The following DHX36 variants were observed in gnomAD, a reference collection of about 807,000 sequenced individuals.
DHX36 encodes DEAH-box helicase 36.
In DHX36, 50 loss-of-function variants were observed where a neutral mutation model predicts 139.0. The observed-to-expected ratio is 0.36, with a 90% CI of 0.29 to 0.46. The LOEUF (loss-of-function observed/expected upper bound fraction) is 0.46, where lower values mean the gene tolerates loss of function less well. DHX36 is among the 20% of genes least tolerant of loss of function. DHX36 has a pLI of 1.00. For synonymous variants in DHX36, 425 were observed against 401.9 expected (o/e 1.06, Z -0.69); for missense variants, 1,024 against 1,211.3 (o/e 0.85, Z 2.29).
chr3:154,298,499 T>C (rs538954260), intron 12 of DHX36, among the ~76,000 whole-genome samples: 49 of 152,240 alleles, frequency 3.2e-4, no homozygotes, highest in Non-Finnish European at 6.9e-4. Flanking sequence ...CTTTGCAAGC[T>C]AGATAGTAAA....
chr3:154,283,113 C>T (rs1719380391), intron 20 of DHX36, 75 bp downstream of exon 20: 2 of 1,183,498 alleles, frequency 1.7e-6, no homozygotes, highest in Non-Finnish European at 2.5e-6. Context: ...TGCTATAGAT[C>T]TAATTGTACA....
chr3:154,285,236 A>T (rs1711510335), intron 17 of DHX36, among the ~76,000 whole-genome samples: 1 of 152,210 alleles, frequency 6.6e-6, no homozygotes, highest in Admixed American at 6.5e-5. Flanking sequence ...AATACCAGAA[A>T]TGACAAACTT....
chr3:154,319,391 G>C (rs1213780232), intron 1 of DHX36: 1 of 152,072 alleles, frequency 6.6e-6, no homozygotes, highest in African/African-American at 2.4e-5. Flanking sequence ...CTCTGTAACA[G>C]GCCAATACCA....
At chr3:154,301,388 G>A (rs1290636787) in intron 9 of DHX36, among the ~76,000 whole-genome samples, 1 of 152,134 alleles carries the variant, frequency 6.6e-6, no homozygotes, top group African/African-American at 2.4e-5. Flanking sequence ...AAAGACTAAA[G>A]TAAGTAACTT....
At chr3:154,278,131 A>G (rs757251408) in intron 22 of DHX36, among the ~76,000 whole-genome samples, 4 of 152,162 alleles carry the variant, frequency 2.6e-5, no homozygotes, top group Non-Finnish European at 5.9e-5. Flanking sequence ...TACTATGACA[A>G]TCATAATACT....
At chr3:154,289,664 T>G (rs761376150) in intron 16 of DHX36, 45 bp downstream of exon 16, 41 of 1,093,132 alleles carry the variant, frequency 3.8e-5, no homozygotes, top group South Asian at 1.7e-4. Context: ...ATGTTGAAAA[T>G]GAGATCACTT....
intron 13 of DHX36, 44 bp downstream of exon 13, chr3:154,295,239 GC>G: frequency 8.3e-7 from 1 of 1,199,944 alleles, no homozygotes; most frequent in Non-Finnish European, 1.2e-6. Context: ...CTTAAAGCTT[GC>G]CTCAGTTTGA....
chr3:154,281,403 A>G (rs1023190159), intron 20 of DHX36, among the ~76,000 whole-genome samples: 3 of 152,070 alleles, frequency 2.0e-5, no homozygotes, highest in African/African-American at 7.2e-5. Flanking sequence ...CTTATTACAA[A>G]GCATTCAAGT....
At position 154,284,948 on chromosome 3, in the gene DHX36, C is replaced by T; in HGVS notation, c.2071G>A (p.Val691Ile). Residue 691 changes from valine to isoleucine, a missense_variant, in exon 18 of 25, where the codon GTC becomes ATC. Val to Ile is a conservative substitution (Grantham distance 29). Coordinates refer to ENST00000496811, the MANE Select transcript of DHX36 (RefSeq NM_020865.3). The part of the protein sequence containing the change: ...DKQEELTPLG[V>I]HLARLPVEPH... The stretch of plus-strand genomic sequence containing the variant: ...TCAACGGGTAATCGTGCCAAGTGGA[C>T]TCCAAGAGGTGTCAATTCTTCTTGT... The T allele has an allele frequency of 6.2e-7, 1 of 1,614,138 alleles. No homozygotes were observed. The highest frequency in any genetic ancestry group is 8.5e-7 in the Non-Finnish European group (1 of 1,180,030).
Position 154,312,787 on chromosome 3 carries a change from C to T in DHX36, c.604-1113G>A, listed in dbSNP as rs555231139. On this transcript the variant is annotated intron_variant, in intron 3 of 24. Transcript: ENST00000496811. ...AGGTTGTGGTGAGCCGAGATCGTGC[C>T]ACGGCACTCCAGCCTGGGTGACAGA... 5.6e-5 allele frequency among the ~76,000 whole-genome samples: 8 copies of T among 141,868 alleles called. No individual in the cohort carries two copies. The South Asian group carries it at 1.8e-3, about 31-fold the overall frequency. 93.1% of individuals were successfully genotyped at this position (141,868 alleles called of 152,430 possible).
At chr3:154,323,714 A>T (rs1290073071) in intron 1 of DHX36, among the ~76,000 whole-genome samples, 1 of 152,222 alleles carries the variant, frequency 6.6e-6, no homozygotes, top group Non-Finnish European at 1.5e-5. Context: ...ATTTTTCTGA[A>T]TGATCCACAT....
rs995291218 is a variant in DHX36 at position 154,324,446 on chromosome 3, C to A, written c.-30G>T. 1 of 1,452,682 alleles carries A rather than the reference C, an allele frequency of 6.9e-7. No individual in the cohort carries two copies. The highest frequency in any genetic ancestry group is 1.5e-5 in the South Asian group (1 of 66,436). 90.0% of individuals were successfully genotyped at this position (1,452,682 alleles called of 1,614,324 possible). A position where few individuals can be genotyped will look rare whatever the true frequency, so the allele number is the denominator to read the frequency against. On this transcript the variant is annotated 5_prime_UTR_variant, in exon 1 of 25. Transcript: ENST00000496811. ...CTGGCAGACTACAACCCGTCAGAAC[C>A]AGCAACCGCTGGAAATGGCGTCCGG... is the stretch of plus-strand genomic sequence containing the variant.
intron 3 of DHX36, chr3:154,312,225 T>G (rs1035353301): frequency 6.6e-6 from 1 of 152,182 alleles, no homozygotes; most frequent in East Asian, 1.9e-4. Flanking sequence ...AAAGATTTTA[T>G]CTCATACGGT....
chr3:154,307,434 T>A (rs1379197908), intron 5 of DHX36, among the ~76,000 whole-genome samples: 1 of 151,652 alleles, frequency 6.6e-6, no homozygotes, highest in East Asian at 1.9e-4. Context: ...AGACAAATCA[T>A]CCCCTTAAAA....
rs1463115557 is a variant in DHX36 at position 154,274,983 on chromosome 3, G to C, written c.*1188C>G. ...ATAAAATAAAAAGTGTAATATAATAGATTGTTAGACATTTACGAAAATATT... is the reference window on the plus strand; with the variant it reads ...ATAAAATAAAAAGTGTAATATAATACATTGTTAGACATTTACGAAAATATT... On this transcript the variant is annotated 3_prime_UTR_variant, in exon 25 of 25. Coordinates refer to ENST00000496811, the MANE Select transcript of DHX36 (RefSeq NM_020865.3). 1 of 152,180 alleles carries C rather than the reference G, an allele frequency of 6.6e-6. No individual in the cohort carries two copies. The highest frequency in any genetic ancestry group is 1.9e-4 in the East Asian group (1 of 5,204). The allele number at this position is 152,180 out of a possible 1,614,324, so 9.4% of individuals were successfully genotyped here.
chr3:154,304,917 G>A lies in DHX36; in HGVS notation c.1024C>T (p.Gln342Ter). Reference sequence around the variant, plus strand: ...ACAACAGTCATTAAAACATCTGACTGCAGATTTCTTTCATGGATTTCATCA... The same window carrying A: ...ACAACAGTCATTAAAACATCTGACTACAGATTTCTTTCATGGATTTCATCA... ...VLDEIHERNL[Q>*]SDVLMTVVKD... The change falls in exon 8 of 25, where the codon CAG becomes TAG. Residue 342 changes from glutamine (Q) to a stop codon, truncating the protein, a stop_gained. Coordinates refer to ENST00000496811, the MANE Select transcript of DHX36 (RefSeq NM_020865.3). LOFTEE classifies it high-confidence loss of function. 1 of 1,611,856 alleles carries A rather than the reference G, an allele frequency of 6.2e-7. No homozygotes were observed. The highest frequency in any genetic ancestry group is 8.5e-7 in the Non-Finnish European group (1 of 1,179,382).
At chr3:154,290,252 T>A (rs1711735456) in intron 15 of DHX36, among the ~76,000 whole-genome samples, 1 of 152,174 alleles carries the variant, frequency 6.6e-6, no homozygotes, top group Non-Finnish European at 1.5e-5. Context: ...AAGTACTATA[T>A]ATTTAGTGAG....
At chr3:154,307,310 TAATC>T (rs1201284027) in intron 5 of DHX36, among the ~76,000 whole-genome samples, 2 of 151,964 alleles carry the variant, frequency 1.3e-5, no homozygotes, top group African/African-American at 4.8e-5. Context: ...ACAAAAGAAA[TAATC>T]AACAGAGTAA....
chr3:154,285,207 G>T (rs1431615755), intron 17 of DHX36, among the ~76,000 whole-genome samples: 1 of 152,126 alleles, frequency 6.6e-6, no homozygotes, highest in Non-Finnish European at 1.5e-5. Context: ...ACACAACTTG[G>T]CTTTTCTGTG....
Sources: gnomAD v4.1 joint callset for allele counts (sites outside exome capture counted in the v4.1 genomes callset) on GRCh38, gnomAD v4.1.1 for gene constraint, MANE v1.5 for transcripts, NCBI Gene and HGNC (gene_info 2026-07-23, HGNC 2026-07-21) for gene names.